The following MYL1 variants were observed in gnomAD, a reference collection of about 807,000 sequenced individuals.
The protein encoded by MYL1 is myosin light chain 1/3, skeletal muscle isoform.
Under a neutral mutation model 21.8 loss-of-function variants are expected in MYL1, and 16 were observed. That is an observed-to-expected ratio of 0.74 (90% CI 0.50 to 1.12). The LOEUF (loss-of-function observed/expected upper bound fraction) is 1.12. Among genes scored for constraint, MYL1 ranks in the 50% most tolerant of loss-of-function variants. The probability of loss-of-function intolerance (pLI) is 0.00; values close to 1 mark genes in which losing one functional copy is unlikely to be tolerated. For synonymous variants in MYL1, 99 were observed against 85.2 expected (o/e 1.16, Z -0.89); for missense variants, 246 against 241.0 (o/e 1.02, Z -0.14).
At chr2:210,314,272 G>A (rs923888490) in intron 1 of MYL1, among the ~76,000 whole-genome samples, 3 of 152,062 alleles carry the variant, frequency 2.0e-5, no homozygotes, top group Admixed American at 6.5e-5. Context: ...CACAAATTCT[G>A]AATTAAATAC....
chr2:210,301,747 G>T (rs1295961356), intron 2 of MYL1, among the ~76,000 whole-genome samples: 1 of 152,122 alleles, frequency 6.6e-6, no homozygotes, highest in African/African-American at 2.4e-5. Flanking sequence ...AGGTGAAAAG[G>T]TTGACTTTTT....
chr2:210,297,018 C>CATATATAT (rs35761433), intron 3 of MYL1, among the ~76,000 whole-genome samples: 164 of 134,338 alleles, frequency 1.2e-3, no homozygotes, highest in African/African-American at 4.1e-3. Context: ...TGTGTGTGTA[C>CATATATAT]ATATATATAT....
chr2:210,315,168 G>C lies in MYL1; in HGVS notation c.-126C>G. 8.6e-7 allele frequency: 1 copy of C among 1,167,604 alleles called. No individual in the cohort carries two copies. The allele number at this position is 1,167,604 out of a possible 1,614,324, so 72.3% of individuals were successfully genotyped here. The stretch of plus-strand genomic sequence containing the variant: ...GCCCAGTGTCTTGAAGATGGACCCA[G>C]AGTGTTAAACGGCATAAGGGCATGC... On this transcript the variant is annotated 5_prime_UTR_variant, in exon 1 of 7. Coordinates refer to ENST00000352451, the MANE Select transcript of MYL1 (RefSeq NM_079420.3).
intron 1 of MYL1, 25 bp downstream of exon 1, chr2:210,314,886 C>A (rs943615119): frequency 1.2e-6 from 2 of 1,613,198 alleles, no homozygotes; most frequent in African/African-American, 1.3e-5. Flanking sequence ...GTTTCAGTGA[C>A]CAAACAGTTC....
rs1472300910 is a variant in MYL1 at position 210,293,713 on chromosome 2, T to C, written c.556+10A>G. On this transcript the variant is annotated intron_variant, in intron 5 of 6. Coordinates refer to ENST00000352451, the MANE Select transcript of MYL1 (RefSeq NM_079420.3). ...GAGTTGCTGTAACCACCAGTGAGCA[T>C]TGATTCTACCTTCGTAGTTGATGCA... 10 of 1,613,340 alleles carry C rather than the reference T, an allele frequency of 6.2e-6. No homozygotes were observed. Among genetic ancestry groups the C allele is most frequent in the Non-Finnish European group, 8.5e-6 (10 of 1,179,356 alleles).
At chr2:210,303,521 T>C (rs375168996) in intron 1 of MYL1, 77 of 1,606,952 alleles carry the variant, frequency 4.8e-5, no homozygotes, top group South Asian at 3.8e-4. Flanking sequence ...AAATGACAAA[T>C]TATTGTCTCA....
chr2:210,297,507 G>T (rs1417804438), intron 3 of MYL1, among the ~76,000 whole-genome samples: 1 of 146,216 alleles, frequency 6.8e-6, no homozygotes, highest in African/African-American at 2.6e-5. Context: ...TTTTTTATTG[G>T]ATTATTCGTG....
intron 1 of MYL1, among the ~76,000 whole-genome samples, chr2:210,305,370 A>G (rs974377863): frequency 1.4e-4 from 21 of 152,202 alleles, no homozygotes; most frequent in African/African-American, 2.4e-5. Flanking sequence ...AGAAAAATAA[A>G]AAATGCTTTG....
Position 210,298,477 on chromosome 2 carries a change from C to T in MYL1, c.247G>A (p.Gly83Ser), listed in dbSNP as rs746464441. 1.2e-6 allele frequency: 2 copies of T among 1,613,954 alleles called. No homozygotes were observed. Among genetic ancestry groups the T allele is most frequent in the South Asian group, 1.1e-5 (1 of 91,078 alleles). ...SQVGDVLRAL[G>S]TNPTNAEVRK... ...ACCTCTGCATTGGTGGGATTTGTGCCCAGAGCTCGAAGGACATCACCGACC... is the reference window on the plus strand; with the variant it reads ...ACCTCTGCATTGGTGGGATTTGTGCTCAGAGCTCGAAGGACATCACCGACC... The change falls in exon 3 of 7, where the codon GGC becomes AGC. Residue 83 changes from glycine to serine, a missense_variant. By Grantham distance (56) the Gly-to-Ser change is moderately conservative (BLOSUM62 0). Coordinates refer to ENST00000352451, the MANE Select transcript of MYL1 (RefSeq NM_079420.3).
At chr2:210,304,175 A>T (rs926661652) in intron 1 of MYL1, among the ~76,000 whole-genome samples, 1 of 152,104 alleles carries the variant, frequency 6.6e-6, no homozygotes, top group Non-Finnish European at 1.5e-5. Context: ...TTCAATCTCC[A>T]ATTAAAGATC....
intron 1 of MYL1, among the ~76,000 whole-genome samples, chr2:210,312,437 T>C (rs1197259907): frequency 6.6e-6 from 1 of 151,880 alleles, no homozygotes; most frequent in African/African-American, 2.4e-5. Context: ...AGGTAATATA[T>C]CTAGAAACAT....
chr2:210,311,314 C>T (rs1690415973), intron 1 of MYL1, among the ~76,000 whole-genome samples: 1 of 152,004 alleles, frequency 6.6e-6, no homozygotes, highest in African/African-American at 2.4e-5. Context: ...AAACTATCTG[C>T]CTCCACTGAA....
intron 1 of MYL1, 90 bp from the exon 2 acceptor site, chr2:210,302,605 C>T (rs1223177272): frequency 3.7e-5 from 56 of 1,521,234 alleles, no homozygotes; most frequent in Non-Finnish European, 4.8e-5. Context: ...CCTGAGTAAT[C>T]TTCAAAGTAA....
At chr2:210,295,700 G>C (rs1042889921) in intron 3 of MYL1, among the ~76,000 whole-genome samples, 1 of 151,542 alleles carries the variant, frequency 6.6e-6, no homozygotes, top group African/African-American at 2.4e-5. Flanking sequence ...GGTGGCTCAC[G>C]CCTATAATCC....
chr2:210,298,316 A>T lies in MYL1; in HGVS notation c.304+104T>A. The T allele has an allele frequency of 8.5e-6, 11 of 1,295,734 alleles. No homozygotes were observed. In the Admixed American group the frequency reaches 1.3e-4, roughly 15 times the overall value. 80.3% of individuals were successfully genotyped at this position (1,295,734 alleles called of 1,614,324 possible). On this transcript the variant is annotated intron_variant, in intron 3 of 6. Coordinates refer to ENST00000352451, the MANE Select transcript of MYL1 (RefSeq NM_079420.3). ...CAATCTTTCTCTCTCTCACACACACACATACTACACACACACACATACTAC... is the reference window on the plus strand; with the variant it reads ...CAATCTTTCTCTCTCTCACACACACTCATACTACACACACACACATACTAC...
chr2:210,314,838 C>A, intron 1 of MYL1, 73 bp downstream of exon 1: 23 of 1,530,566 alleles, frequency 1.5e-5, no homozygotes, highest in Non-Finnish European at 1.9e-5. Context: ...AAAATACACG[C>A]CTTTGCAAGT....
chr2:210,298,387 C>T (rs776379368), intron 3 of MYL1, 33 bp downstream of exon 3: 4 of 1,608,714 alleles, frequency 2.5e-6, no homozygotes, highest in Admixed American at 1.7e-5. Flanking sequence ...CTTCCCTATA[C>T]TTCCACACTT....
intron 2 of MYL1, among the ~76,000 whole-genome samples, chr2:210,299,281 C>T (rs1398542021): frequency 6.6e-6 from 1 of 152,110 alleles, no homozygotes; most frequent in Admixed American, 6.6e-5. Flanking sequence ...TAGAATTTCG[C>T]TATGCCTTGT....
chr2:210,291,409 CAT>C (rs1690073469), intron 5 of MYL1, among the ~76,000 whole-genome samples: 1 of 152,140 alleles, frequency 6.6e-6, no homozygotes, highest in African/African-American at 2.4e-5. Context: ...ACTACGGGCA[CAT>C]GTCACTGTGC....
Sources: gnomAD v4.1 joint callset for allele counts (sites outside exome capture counted in the v4.1 genomes callset) on GRCh38, gnomAD v4.1.1 for gene constraint, MANE v1.5 for transcripts, NCBI Gene and HGNC (gene_info 2026-07-23, HGNC 2026-07-21) for gene names.